The following BMPR1B variants were observed in gnomAD, a reference collection of about 807,000 sequenced individuals.
The protein encoded by BMPR1B is bone morphogenetic protein receptor type-1B.
BMPR1B carries 12 observed loss-of-function variants against 59.1 expected under a neutral mutation model. The ratio of observed to expected loss-of-function variants is 0.20; its 90% CI spans 0.13 to 0.33. The LOEUF (loss-of-function observed/expected upper bound fraction) is 0.33. Among genes scored for constraint, BMPR1B ranks in the 10% least tolerant of loss-of-function variants. The pLI, the probability that BMPR1B is intolerant of heterozygous loss-of-function variation, is 1.00. For synonymous variants in BMPR1B, 237 were observed against 207.3 expected, an observed-to-expected ratio of 1.14 and a Z score of -1.23; for missense variants, 550 against 610.9, an observed-to-expected ratio of 0.90 and a Z score of 1.05.
chr4:94,996,829 T>C (rs6855395), intron 3 of BMPR1B, among the ~76,000 whole-genome samples: 109,490 of 152,074 alleles, frequency 0.72, 40,660 homozygotes, highest in East Asian at 0.86. Context: ...TCTCCTCCTA[T>C]GCATTAATAG....
chr4:94,963,736 A>G (rs1730455724), intron 2 of BMPR1B, among the ~76,000 whole-genome samples: 2 of 151,946 alleles, frequency 1.3e-5, no homozygotes, highest in South Asian at 4.1e-4. Flanking sequence ...TTTCATTACT[A>G]TAGTGTTGTA....
chr4:95,092,115 T>TA (rs941266975), intron 3 of BMPR1B, among the ~76,000 whole-genome samples: 1 of 152,114 alleles, frequency 6.6e-6, no homozygotes, highest in Non-Finnish European at 1.5e-5. Flanking sequence ...GTATGAGTTT[T>TA]AAAAAATGCA....
intron 3 of BMPR1B, among the ~76,000 whole-genome samples, chr4:95,038,467 A>G (rs1173466923): frequency 1.3e-5 from 2 of 152,190 alleles, no homozygotes; most frequent in African/African-American, 4.8e-5. Flanking sequence ...TTGTACTCCC[A>G]GAAAGTGATC....
In BMPR1B at chr4:95,045,539, A is replaced by G. The variant is rs192888578; in HGVS notation, c.-18+49405A>G. ...TACTTTTTTTCTTACTCATAAATGT[A>G]CTGTACTGCCTGTTCTCTTTGCTTA... On this transcript the variant is annotated intron_variant, in intron 3 of 12. Coordinates refer to ENST00000515059, the MANE Select transcript of BMPR1B (RefSeq NM_001203.3). 2.5e-3 allele frequency among the ~76,000 whole-genome samples: 383 copies of G among 152,202 alleles called. 1 individual carries two copies. Among genetic ancestry groups the G allele is most frequent in the African/African-American group, 8.7e-3 (363 of 41,510 alleles).
At chr4:94,804,590 CTTT>C (rs5860375) in intron 1 of BMPR1B, among the ~76,000 whole-genome samples, 4 of 121,564 alleles carry the variant, frequency 3.3e-5, no homozygotes, top group Non-Finnish European at 4.9e-5. Flanking sequence ...CTTTGTAATA[CTTT>C]TTTTTTTTTT....
intron 1 of BMPR1B, among the ~76,000 whole-genome samples, chr4:94,822,726 G>A (rs1724250553): frequency 6.6e-6 from 1 of 152,120 alleles, no homozygotes; most frequent in Non-Finnish European, 1.5e-5. Context: ...GCACCCAGAT[G>A]ACTACTTTGG....
chr4:95,145,284 A>G (rs1734559626), intron 10 of BMPR1B, among the ~76,000 whole-genome samples: 1 of 152,162 alleles, frequency 6.6e-6, no homozygotes, highest in Admixed American at 6.5e-5. Context: ...TGCAGTACAT[A>G]GGATTATTGC....
At chr4:94,905,894 G>A (rs1339790367) in intron 2 of BMPR1B, among the ~76,000 whole-genome samples, 1 of 149,738 alleles carries the variant, frequency 6.7e-6, no homozygotes, top group African/African-American at 2.5e-5. Context: ...TTAAATAGTG[G>A]AATTCTTCTT....
chr4:95,102,811 G>A (rs927952854), intron 3 of BMPR1B, among the ~76,000 whole-genome samples: 1 of 152,070 alleles, frequency 6.6e-6, no homozygotes, highest in Non-Finnish European at 1.5e-5. Flanking sequence ...GTAATTGTGT[G>A]GTTGGATTAC....
At chr4:95,144,272 T>C (rs747105731) in intron 10 of BMPR1B, among the ~76,000 whole-genome samples, 3 of 152,284 alleles carry the variant, frequency 2.0e-5, no homozygotes, top group South Asian at 2.1e-4. Flanking sequence ...CCTCCTGGGC[T>C]CAAGTGATCC....
chr4:95,048,223 CT>C (rs1726184245), intron 3 of BMPR1B, among the ~76,000 whole-genome samples: 1 of 152,078 alleles, frequency 6.6e-6, no homozygotes, highest in African/African-American at 2.4e-5. Flanking sequence ...GATTTCATAT[CT>C]TTTCTACTGT....
intron 1 of BMPR1B, among the ~76,000 whole-genome samples, chr4:94,780,567 C>G (rs1451351606): frequency 6.6e-6 from 1 of 151,344 alleles, no homozygotes; most frequent in Non-Finnish European, 1.5e-5. Context: ...TATGATAACT[C>G]TGTGTTTAAC....
rs766089514 is a variant in BMPR1B, at chr4:95,125,073, A to C, written c.537A>C (p.Leu179Phe). The C allele has an allele frequency of 1.1e-5, 17 of 1,613,814 alleles. No individual in the cohort carries two copies. Among genetic ancestry groups the C allele is most frequent in the South Asian group, 2.2e-5 (2 of 91,080 alleles). The part of the protein sequence containing the change: ...YIPPGESLRD[L>F]IEQSQSSGSG... Reference sequence around the variant, plus strand: ...CTCCTGGAGAATCCCTGAGAGACTTAATTGAGCAGTCTCAGAGCTCAGGAA... The same window carrying C: ...CTCCTGGAGAATCCCTGAGAGACTTCATTGAGCAGTCTCAGAGCTCAGGAA... Residue 179 changes from leucine (L) to phenylalanine (F), a missense_variant, in exon 8 of 13, where the codon TTA becomes TTC. By Grantham distance (22) the Leu-to-Phe change is conservative (BLOSUM62 0). This residue lies in a region of BMPR1B where 318 missense variants were observed against 284.6 expected (regional missense o/e 1.12). Coordinates refer to ENST00000515059, the MANE Select transcript of BMPR1B (RefSeq NM_001203.3).
intron 1 of BMPR1B, among the ~76,000 whole-genome samples, chr4:94,770,934 A>G (rs1228084436): frequency 2.0e-5 from 3 of 150,862 alleles, no homozygotes; most frequent in Non-Finnish European, 4.4e-5. Flanking sequence ...CCCTCCCATG[A>G]TTATATGTGT....
intron 3 of BMPR1B, among the ~76,000 whole-genome samples, chr4:95,020,440 G>A (rs1290567520): frequency 2.0e-5 from 3 of 152,070 alleles, no homozygotes; most frequent in Non-Finnish European, 2.9e-5. Context: ...TTAGCTGGGC[G>A]TGGTGGTACA....
chr4:95,156,700 C>G lies in BMPR1B; in HGVS notation c.*2027C>G, dbSNP rs1014589322. ...TTAAAGAGTGAAAACAGTTAGAAAA[C>G]AAGTAGAACTGTAATCAGAACGCTG... is the stretch of plus-strand genomic sequence containing the variant. On this transcript the variant is annotated 3_prime_UTR_variant, in exon 13 of 13. Transcript: ENST00000515059. The G allele has an allele frequency of 6.6e-6, 1 of 151,140 alleles. No individual in the cohort carries two copies. The allele number at this position is 151,140 out of a possible 1,614,324, so 9.4% of individuals were successfully genotyped here.
intron 11 of BMPR1B, 23 bp downstream of exon 11, chr4:95,148,946 A>G (rs901667070): frequency 2.5e-6 from 4 of 1,613,134 alleles, no homozygotes; most frequent in Non-Finnish European, 3.4e-6. Flanking sequence ...GCTGTCTTTG[A>G]AAAGCTACTA....
chr4:94,944,953 A>G (rs757727916), intron 2 of BMPR1B, among the ~76,000 whole-genome samples: 2 of 152,206 alleles, frequency 1.3e-5, no homozygotes, highest in Admixed American at 6.5e-5. Flanking sequence ...ATTATAAACC[A>G]TAACAGCCTG....
chr4:94,796,507 A>G (rs1043510838), intron 1 of BMPR1B, among the ~76,000 whole-genome samples: 1 of 152,202 alleles, frequency 6.6e-6, no homozygotes, highest in Non-Finnish European at 1.5e-5. Context: ...CAAAGAGGAA[A>G]TTATTTAAAC....
Sources: gnomAD v4.1 joint callset for allele counts (sites outside exome capture counted in the v4.1 genomes callset) on GRCh38, gnomAD v4.1.1 for gene constraint, gnomAD v4.1.1 regional missense constraint, MANE v1.5 for transcripts, NCBI Gene and HGNC (gene_info 2026-07-23, HGNC 2026-07-21) for gene names.